Variants in TRIP4 observed in about 807,000 individuals in gnomAD.
TRIP4 encodes the protein activating signal cointegrator 1.
In TRIP4, 54 loss-of-function variants were observed where a neutral mutation model predicts 81.8. The ratio of observed to expected loss-of-function variants is 0.66; its 90% confidence interval spans 0.53 to 0.83. The LOEUF is 0.83. Ranked by LOEUF, TRIP4 falls within the 40% of genes least tolerant of loss-of-function variation. The pLI is 0.00. For synonymous variants in TRIP4, 270 were observed against 242.8 expected, an observed-to-expected ratio of 1.11 and a Z score of -1.04; for missense variants, 662 against 683.6, an observed-to-expected ratio of 0.97 and a Z score of 0.35.
intron 7 of TRIP4, among the ~76,000 whole-genome samples, chr15:64,410,156 G>A (rs181814806): frequency 7.9e-5 from 12 of 151,536 alleles, no homozygotes; most frequent in African/African-American, 2.9e-4. Flanking sequence ...CCCTTGAGTA[G>A]CTGGGATTAC....
intron 11 of TRIP4, among the ~76,000 whole-genome samples, chr15:64,443,101 C>CA (rs1892554960): frequency 1.3e-5 from 2 of 151,902 alleles, no homozygotes; most frequent in African/African-American, 4.8e-5. Flanking sequence ...AGAGTGAAAG[C>CA]CTACTTATAG....
At chr15:64,419,972 C>T (rs1298757001) in intron 9 of TRIP4, among the ~76,000 whole-genome samples, 1 of 151,646 alleles carries the variant, frequency 6.6e-6, no homozygotes, top group Non-Finnish European at 1.5e-5. Context: ...CCCGCCACCA[C>T]ACCTGGTTAA....
chr15:64,391,601 A>C (rs1323363441), intron 1 of TRIP4, among the ~76,000 whole-genome samples: 1 of 152,152 alleles, frequency 6.6e-6, no homozygotes, highest in East Asian at 1.9e-4. Context: ...GTTGTTCTTT[A>C]TTATACCTTG....
intron 1 of TRIP4, among the ~76,000 whole-genome samples, chr15:64,389,847 G>A (rs1387370557): frequency 3.3e-5 from 5 of 150,010 alleles, no homozygotes; most frequent in Non-Finnish European, 5.9e-5. Context: ...GATTACAGGC[G>A]CGCACCACCA....
At position 64,397,531 on chromosome 15, in the gene TRIP4, A is replaced by G. The variant is rs539103402; in HGVS notation, c.406-75A>G. The G allele has an allele frequency of 7.1e-4, 1,027 of 1,456,668 alleles. 3 individuals carry two copies. The highest frequency in any genetic ancestry group is 9.2e-4 in the Non-Finnish European group (970 of 1,057,560). 90.2% of individuals were successfully genotyped at this position (1,456,668 alleles called of 1,614,324 possible). ...AGTATATAAGTTGTTACTGAACAGA[A>G]CGGAGCATTTTCTCCCTTGACTTTT... On this transcript the variant is annotated intron_variant, in intron 3 of 12. Coordinates refer to ENST00000261884, the MANE Select transcript of TRIP4 (RefSeq NM_016213.5).
intron 11 of TRIP4, among the ~76,000 whole-genome samples, chr15:64,438,451 C>CA (rs1892448148): frequency 1.3e-5 from 2 of 152,228 alleles, no homozygotes; most frequent in Non-Finnish European, 2.9e-5. Flanking sequence ...TCCCAAGTAG[C>CA]TGGGATTACA....
intron 9 of TRIP4, among the ~76,000 whole-genome samples, chr15:64,420,615 C>T (rs1376619147): frequency 6.6e-6 from 1 of 151,854 alleles, no homozygotes. Context: ...GCTCCGCCTC[C>T]CAGGTTCACA....
At chr15:64,417,949 ATTT>A (rs1442053599) in intron 8 of TRIP4, among the ~76,000 whole-genome samples, 3 of 152,200 alleles carry the variant, frequency 2.0e-5, no homozygotes, top group Non-Finnish European at 4.4e-5. Context: ...TTGGTGTGAT[ATTT>A]GTGCTGTTGC....
At chr15:64,400,694 A>C in intron 4 of TRIP4, 49 bp from the exon 5 acceptor site, 1 of 1,427,796 alleles carries the variant, frequency 7.0e-7, no homozygotes, top group South Asian at 1.2e-5. Context: ...TCAAGAAAGC[A>C]ATATAATTTA....
Position 64,387,859 on chromosome 15 carries a change from G to A in TRIP4, c.-5G>A. ...TTGCAGCTCAGCTGGTTCCGGCTGGGGAAGATGGCGGTGGCTGGGGCGGTG... is the reference window on the plus strand; with the variant it reads ...TTGCAGCTCAGCTGGTTCCGGCTGGAGAAGATGGCGGTGGCTGGGGCGGTG... On this transcript the variant is annotated 5_prime_UTR_variant, in exon 1 of 13. Coordinates refer to ENST00000261884, the MANE Select transcript of TRIP4 (RefSeq NM_016213.5). The A allele has an allele frequency of 3.2e-6, 5 of 1,544,332 alleles. No individual in the cohort carries two copies. The highest frequency in any genetic ancestry group is 4.4e-6 in the Non-Finnish European group (5 of 1,146,530).
chr15:64,403,355 C>A (rs899005130), intron 5 of TRIP4, among the ~76,000 whole-genome samples: 21 of 149,556 alleles, frequency 1.4e-4, no homozygotes, highest in African/African-American at 5.2e-4. Flanking sequence ...TGGGGTTTCA[C>A]CATGTTGGTT....
At chr15:64,393,780 C>A in intron 1 of TRIP4, 166 bp from the exon 2 acceptor site, 1 of 508,534 alleles carries the variant, frequency 2.0e-6, no homozygotes, top group Non-Finnish European at 3.1e-6. Flanking sequence ...TACATTCATA[C>A]CAGTTAGGAT....
chr15:64,432,059 G>A (rs1352295896), intron 11 of TRIP4, among the ~76,000 whole-genome samples: 1 of 149,988 alleles, frequency 6.7e-6, no homozygotes, highest in Non-Finnish European at 1.5e-5. Context: ...GCTAATTTTT[G>A]TATTTTTAGT....
At chr15:64,405,147 C>A (rs1308698739) in intron 5 of TRIP4, among the ~76,000 whole-genome samples, 4 of 151,170 alleles carry the variant, frequency 2.6e-5, no homozygotes, top group Admixed American at 1.3e-4. Flanking sequence ...GGTCTAATTT[C>A]TTTTTCTTTT....
At chr15:64,429,719 A>G (rs1892228088) in intron 11 of TRIP4, among the ~76,000 whole-genome samples, 2 of 152,170 alleles carry the variant, frequency 1.3e-5, no homozygotes, top group African/African-American at 4.8e-5. Context: ...ATTTTTCTGT[A>G]TTCTCATAGG....
chr15:64,424,781 T>C (rs988206170), intron 10 of TRIP4, among the ~76,000 whole-genome samples: 3 of 152,142 alleles, frequency 2.0e-5, no homozygotes, highest in Admixed American at 6.6e-5. Context: ...CACTTTTCTT[T>C]TTTATTTTTT....
intron 1 of TRIP4, 32 bp downstream of exon 1, chr15:64,387,996 A>C: frequency 6.5e-7 from 1 of 1,532,420 alleles, no homozygotes; most frequent in South Asian, 1.2e-5. Flanking sequence ...GCGGGGAAGG[A>C]GCTCTGGGAT....
chr15:64,403,853 G>A (rs899097776), intron 5 of TRIP4, among the ~76,000 whole-genome samples: 1 of 152,090 alleles, frequency 6.6e-6, no homozygotes, highest in Non-Finnish European at 1.5e-5. Flanking sequence ...CAAATAATGT[G>A]TCTTTTTTTG....
chr15:64,388,727 C>T (rs1402536055), intron 1 of TRIP4, among the ~76,000 whole-genome samples: 1 of 152,210 alleles, frequency 6.6e-6, no homozygotes, highest in African/African-American at 2.4e-5. Flanking sequence ...CAAATAGCTT[C>T]TGACTCTGGA....
Sources: allele counts gnomAD v4.1 joint callset (sites outside exome capture counted in the v4.1 genomes callset), GRCh38; gene constraint gnomAD v4.1.1; transcripts MANE v1.5; gene names NCBI Gene and HGNC (gene_info 2026-07-23, HGNC 2026-07-21).